Variants in MYO19 observed in about 807,000 individuals in gnomAD.
MYO19 encodes unconventional myosin-XIX.
MYO19 carries 132 observed loss-of-function variants against 129.2 expected under a neutral mutation model. That is an observed-to-expected ratio of 1.02 (90% CI 0.89 to 1.18). The LOEUF (loss-of-function observed/expected upper bound fraction) is 1.18. Among genes scored for constraint, MYO19 ranks in the 50% most tolerant of loss-of-function variants. The pLI is 0.00. For synonymous variants in MYO19, 531 were observed against 477.2 expected (o/e 1.11, Z -1.47); for missense variants, 1,210 against 1,216.7 (o/e 0.99, Z 0.08).
chr17:36,512,888 T>C lies in MYO19; in HGVS notation c.894+541A>G. The C allele has an allele frequency of 4.4e-6, 5 of 1,127,844 alleles. No homozygotes were observed. The South Asian group carries it at 7.9e-5, about 18-fold the overall frequency. The allele number at this position is 1,127,844 out of a possible 1,614,324, so 69.9% of individuals were successfully genotyped here. A position where few individuals can be genotyped will look rare whatever the true frequency, so the allele number is the denominator to read the frequency against. On this transcript the variant is annotated intron_variant, in intron 11 of 25. Coordinates refer to ENST00000614623, the MANE Select transcript of MYO19 (RefSeq NM_001163735.2). ...GCCCAGCTCACCTGGGGCAGTCTCA[T>C]GTTCCAGAGGACGACGGGGCACGGG...
chr17:36,498,676 T>C (rs2071225416), intron 24 of MYO19, 117 bp from the exon 25 acceptor site: 9 of 1,255,582 alleles, frequency 7.2e-6, no homozygotes, highest in South Asian at 1.6e-5. Context: ...AGGCACCTGG[T>C]TGCAAACAGC....
At chr17:36,523,879 A>T (rs1342596071) in intron 6 of MYO19, among the ~76,000 whole-genome samples, 3 of 152,256 alleles carry the variant, frequency 2.0e-5, no homozygotes, top group Non-Finnish European at 4.4e-5. Flanking sequence ...AAGTAACTGC[A>T]TCTGGAGACA....
intron 1 of MYO19, among the ~76,000 whole-genome samples, chr17:36,542,741 A>G (rs535181236): frequency 1.1e-4 from 16 of 151,344 alleles, no homozygotes; most frequent in South Asian, 4.2e-4. Flanking sequence ...TAATTGATGT[A>G]CCACTGTAGG....
intron 6 of MYO19, among the ~76,000 whole-genome samples, chr17:36,518,873 T>G (rs536453893): frequency 1.3e-5 from 2 of 152,092 alleles, no homozygotes; most frequent in Non-Finnish European, 1.5e-5. Context: ...TAGAAGTGCA[T>G]TGTTTAATTT....
chr17:36,515,668 A>G (rs2072695094), intron 7 of MYO19, among the ~76,000 whole-genome samples, 190 bp downstream of exon 7: 1 of 152,206 alleles, frequency 6.6e-6, no homozygotes, highest in Admixed American at 6.5e-5. Flanking sequence ...AGAGGACTGA[A>G]TGACATGACC....
Position 36,505,325 on chromosome 17 carries a change from C to G in MYO19, c.1877G>C (p.Gly626Ala). 1 of 1,614,212 alleles carries G rather than the reference C, an allele frequency of 6.2e-7. No homozygotes were observed. The highest frequency in any genetic ancestry group is 8.5e-7 in the Non-Finnish European group (1 of 1,180,032). Residue 626 changes from glycine (G) to alanine (A), a missense_variant, in exon 19 of 26, where the codon GGC (glycine) becomes GCC (alanine). By Grantham distance (60) the Gly-to-Ala change is moderately conservative (BLOSUM62 0). Transcript: ENST00000614623. ...CTCTTGGAGAAAGGTCTGCGCCTGG[C>G]CCTGGCTGTTGGGCTTGATGCAGCG... ...YIRCIKPNSQ[G>A]QAQTFLQEEV...
intron 15 of MYO19, 117 bp from the exon 16 acceptor site, chr17:36,507,629 A>T: frequency 1.5e-6 from 2 of 1,324,752 alleles, no homozygotes; most frequent in Non-Finnish European, 2.1e-6. Flanking sequence ...AAAGAAACAA[A>T]AGTATATCAA....
At chr17:36,536,537 T>C (rs1171682728), upstream of MYO19, among the ~76,000 whole-genome samples, 1 of 148,618 alleles carries the variant, frequency 6.7e-6, no homozygotes, top group African/African-American at 2.5e-5. Flanking sequence ...TTTTTTTTTT[T>C]TTTTTTGAGA....
rs529330747 is a variant in MYO19, at chr17:36,502,608, G to A, written c.2080+489C>T. On this transcript the variant is annotated intron_variant, in intron 21 of 25. Transcript: ENST00000614623. ...AGTGTGAGGCTGATAAGAGTCATTT[G>A]CTCCTTCCCCTGCAGTGCCTGCTCA... Among the ~76,000 whole-genome samples, 3 of 152,270 alleles carry A rather than the reference G, an allele frequency of 2.0e-5. No individual in the cohort carries two copies. In the East Asian group the frequency reaches 5.8e-4, roughly 29 times the overall value.
At chr17:36,497,730 G>A (rs180800232) in intron 25 of MYO19, 4,667 of 176,068 alleles carry the variant, frequency 0.027, 99 homozygotes, top group Middle Eastern at 0.077. Context: ...GACTACAGGC[G>A]CCTGCCACTA....
upstream of MYO19, among the ~76,000 whole-genome samples, chr17:36,536,062 A>T (rs2074111708): frequency 6.6e-6 from 1 of 152,216 alleles, no homozygotes; most frequent in Non-Finnish European, 1.5e-5. Flanking sequence ...TTTAACCAAC[A>T]AATGTGTTCT....
upstream of MYO19, among the ~76,000 whole-genome samples, chr17:36,543,979 G>A (rs2074218299): frequency 6.6e-6 from 1 of 152,186 alleles, no homozygotes; most frequent in African/African-American, 2.4e-5. Flanking sequence ...GCAGTAAATT[G>A]ATCTGTCCTT....
At chr17:36,537,109 A>T (rs1375591206), upstream of MYO19, 3 of 1,585,124 alleles carry the variant, frequency 1.9e-6, no homozygotes, top group African/African-American at 4.1e-5. Flanking sequence ...AAAATGTCTG[A>T]AAAGCAGATG....
chr17:36,542,475 G>A (rs180806013), intron 1 of MYO19, among the ~76,000 whole-genome samples: 373 of 152,134 alleles, frequency 2.5e-3, no homozygotes, highest in African/African-American at 8.4e-3. Context: ...CGAGGCGGGC[G>A]GATCAAGAGG....
chr17:36,527,188 AAAT>A (rs1479924331), intron 5 of MYO19, among the ~76,000 whole-genome samples: 1 of 151,886 alleles, frequency 6.6e-6, no homozygotes, highest in Non-Finnish European at 1.5e-5. Flanking sequence ...ATAAATAAAT[AAAT>A]AATAATAAAA....
intron 9 of MYO19, among the ~76,000 whole-genome samples, chr17:36,514,149 A>G (rs12452009): frequency 0.058 from 8,894 of 152,226 alleles, 389 homozygotes; most frequent in African/African-American, 0.11. Flanking sequence ...ATTCTAGGAG[A>G]GCCCTTAAAA....
chr17:36,515,936 C>T lies in MYO19; in HGVS notation c.469G>A (p.Ala157Thr), dbSNP rs755444597. Residue 157 changes from alanine (A) to threonine (T), a missense_variant, in exon 7 of 26, where the codon GCA (alanine) becomes ACA (threonine). Physicochemically the swap from Ala to Thr is moderately conservative, Grantham distance 58. Coordinates refer to ENST00000614623, the MANE Select transcript of MYO19 (RefSeq NM_001163735.2). Reference protein sequence around the residue: ...KFYAVVATSPASWESHKIAER... With the variant: ...KFYAVVATSPTSWESHKIAER... ...GCAATCTTGTGGCTCTCCCAAGATG[C>T]AGGTGAGGTGGCCACCACAGCATAG... The T allele has an allele frequency of 1.2e-6, 2 of 1,613,596 alleles. No homozygotes were observed. The highest frequency in any genetic ancestry group is 2.2e-5 in the South Asian group (2 of 91,048).
At chr17:36,511,520 G>C in intron 11 of MYO19, 65 bp from the exon 12 acceptor site, 2 of 1,412,084 alleles carry the variant, frequency 1.4e-6, no homozygotes, top group Non-Finnish European at 2.0e-6. Context: ...TCTGGGAAGG[G>C]CCGTTCTGCT....
At chr17:36,525,082 A>G in intron 6 of MYO19, 146 bp downstream of exon 6, 2 of 644,158 alleles carry the variant, frequency 3.1e-6, no homozygotes, top group South Asian at 1.8e-5. Context: ...CTAGCCCACC[A>G]TTGTGCACCA....
Sources: allele counts gnomAD v4.1 joint callset (sites outside exome capture counted in the v4.1 genomes callset), GRCh38; gene constraint gnomAD v4.1.1; transcripts MANE v1.5; gene names NCBI Gene and HGNC (gene_info 2026-07-23, HGNC 2026-07-21).